Variants in CDKL5 observed in about 807,000 individuals in gnomAD.
CDKL5 encodes the protein cyclin-dependent kinase-like 5.
CDKL5 carries 8 observed loss-of-function variants against 61.7 expected under a neutral mutation model. The ratio of observed to expected loss-of-function variants is 0.13; its 90% CI spans 0.08 to 0.23. The LOEUF is 0.23. Among genes scored for constraint, CDKL5 ranks in the 10% least tolerant of loss-of-function variants. The pLI, the probability that CDKL5 is intolerant of heterozygous loss-of-function variation, is 1.00. For missense variants in CDKL5, 440 were observed against 734.5 expected (o/e 0.60, Z 4.63); for synonymous variants, 275 against 272.3 (o/e 1.01, Z -0.10).
At chrX:18,475,892 A>G (rs1386343921) in intron 1 of CDKL5, among the ~76,000 whole-genome samples, 1 of 112,119 alleles carries the variant, frequency 8.9e-6, no homozygotes, top group Non-Finnish European at 1.9e-5. Context: ...TCATATAACA[A>G]ATTTTAGATT....
intron 1 of CDKL5, among the ~76,000 whole-genome samples, chrX:18,437,079 G>A (rs1194218363): frequency 9.1e-6 from 1 of 110,266 alleles, no homozygotes; most frequent in Non-Finnish European, 1.9e-5. Context: ...AGATTTTAAG[G>A]AGGGGTGTGA....
At chrX:18,477,637 CT>C (rs1354213801) in intron 1 of CDKL5, among the ~76,000 whole-genome samples, 9 of 110,506 alleles carry the variant, frequency 8.1e-5, no homozygotes, top group Non-Finnish European at 1.3e-4. Flanking sequence ...TGCTCTAGGA[CT>C]TACCACATAC....
chrX:18,616,431 G>C (rs1393967919), intron 15 of CDKL5, among the ~76,000 whole-genome samples: 1 of 110,439 alleles, frequency 9.1e-6, no homozygotes, highest in Admixed American at 9.6e-5. Context: ...TTCGAGACCA[G>C]CTTGACCAAC....
At chrX:18,507,566 T>G (rs1022195634) in intron 2 of CDKL5, among the ~76,000 whole-genome samples, 27 of 108,480 alleles carry the variant, frequency 2.5e-4, no homozygotes, top group Non-Finnish European at 4.4e-4. Context: ...ATTCATTCAT[T>G]CATTCATTCA....
intron 1 of CDKL5, among the ~76,000 whole-genome samples, chrX:18,496,139 A>T (rs975734179): frequency 4.4e-5 from 5 of 112,429 alleles, no homozygotes; most frequent in Non-Finnish European, 9.4e-5. Flanking sequence ...AGCTAATGTG[A>T]GTGACCATGG....
intron 20 of CDKL5, among the ~76,000 whole-genome samples, chrX:18,648,345 G>A (rs776414340): frequency 2.7e-5 from 3 of 110,517 alleles, no homozygotes; most frequent in South Asian, 3.9e-4. Flanking sequence ...GGGCTCAAGC[G>A]ATCCTGCCAC....
chrX:18,653,372 T>C (rs1268209714), intron 21 of CDKL5: 1 of 1,190,507 alleles, frequency 8.4e-7, no homozygotes, highest in African/African-American at 1.8e-5. Flanking sequence ...TTAGCCAGAG[T>C]GCACCTGCTA....
intron 11 of CDKL5, among the ~76,000 whole-genome samples, chrX:18,601,340 C>T (rs928245269): frequency 5.3e-5 from 6 of 112,248 alleles, no homozygotes; most frequent in Non-Finnish European, 1.1e-4. Context: ...TTTGCACCTT[C>T]GACATTTGCT....
In CDKL5 at chrX:18,430,295, T is replaced by A. The variant is rs751602089; in HGVS notation, c.-163+4600T>A. ...TTACATTTGCTACACTAATAAAGGCTTCGAAGATACTCCTTGAATTCAATT... is the reference window on the plus strand; with the variant it reads ...TTACATTTGCTACACTAATAAAGGCATCGAAGATACTCCTTGAATTCAATT... On this transcript the variant is annotated intron_variant, in intron 1 of 17. Coordinates refer to ENST00000623535, the MANE Select transcript of CDKL5 (RefSeq NM_001323289.2). Among the ~76,000 whole-genome samples, 61 of 112,552 alleles carry A rather than the reference T, an allele frequency of 5.4e-4. 1 individual carries two copies. Among genetic ancestry groups the A allele is most frequent in the Middle Eastern group, 4.6e-3 (1 of 218 alleles).
chrX:18,624,467 GGTCA>G (rs1412781917), intron 16 of CDKL5, among the ~76,000 whole-genome samples: 1 of 112,032 alleles, frequency 8.9e-6, no homozygotes, highest in Non-Finnish European at 1.9e-5. Context: ...AGCTTTTGCT[GGTCA>G]GTTTAAAACC....
intron 3 of CDKL5, among the ~76,000 whole-genome samples, chrX:18,522,426 C>A (rs1321977764): frequency 4.1e-5 from 4 of 97,420 alleles, no homozygotes; most frequent in Non-Finnish European, 8.1e-5. Flanking sequence ...CTCACTGCAA[C>A]CTCTGCCTCC....
At chrX:18,451,740 T>G (rs762438723) in intron 1 of CDKL5, among the ~76,000 whole-genome samples, 3 of 111,079 alleles carry the variant, frequency 2.7e-5, no homozygotes, top group Non-Finnish European at 5.7e-5. Context: ...GGTTTTGCCA[T>G]GTTGCCCAGG....
At chrX:18,529,382 A>G (rs1452145669) in intron 3 of CDKL5, among the ~76,000 whole-genome samples, 1 of 110,907 alleles carries the variant, frequency 9.0e-6, no homozygotes, top group African/African-American at 3.3e-5. Flanking sequence ...TCAGTCAATA[A>G]TAGTTACTAT....
At position 18,573,816 on chromosome X, in the gene CDKL5, T is replaced by C. The variant is rs192845033; in HGVS notation, c.146-1538T>C. Among the ~76,000 whole-genome samples the C allele has an allele frequency of 4.3e-3, 478 of 112,189 alleles. 2 individuals carry two copies. In the Middle Eastern group the frequency reaches 0.046, roughly 11 times the overall value. On this transcript the variant is annotated intron_variant, in intron 4 of 17. Coordinates refer to ENST00000623535, the MANE Select transcript of CDKL5 (RefSeq NM_001323289.2). The stretch of plus-strand genomic sequence containing the variant: ...TTCACAAGGGAGTGTTGACTCCGTG[T>C]TCCCAGTTTGTTATGGATACTCGGG...
intron 1 of CDKL5, among the ~76,000 whole-genome samples, chrX:18,487,161 C>G (rs1192697708): frequency 1.8e-5 from 2 of 111,741 alleles, no homozygotes; most frequent in Admixed American, 9.5e-5. Flanking sequence ...ATCTTAGGCT[C>G]TCAGTGCTTT....
At chrX:18,601,729 G>C (rs1926184408) in intron 11 of CDKL5, among the ~76,000 whole-genome samples, 1 of 111,982 alleles carries the variant, frequency 8.9e-6, no homozygotes, top group Non-Finnish European at 1.9e-5. Flanking sequence ...TGTTAGAATT[G>C]TCTCTTACGT....
At chrX:18,586,090 A>T (rs1602275223) in intron 8 of CDKL5, among the ~76,000 whole-genome samples, 1 of 111,037 alleles carries the variant, frequency 9.0e-6, no homozygotes, top group South Asian at 3.8e-4. Flanking sequence ...AAGCTTTACT[A>T]TTTTTTTTAA....
rs1403393739 is a variant in CDKL5, at chrX:18,475,650, T to C, written c.-162-31285T>C. Among the ~76,000 whole-genome samples the C allele has an allele frequency of 3.6e-5, 4 of 112,373 alleles. No homozygotes were observed. In the Admixed American group the frequency reaches 3.8e-4, roughly 11 times the overall value. The stretch of plus-strand genomic sequence containing the variant: ...TAAGAAAATGCTAATTGGAAAATTA[T>C]CATCTCTACTCTTTTTCCTGTCAAA... On this transcript the variant is annotated intron_variant, in intron 1 of 17. Coordinates refer to ENST00000623535, the MANE Select transcript of CDKL5 (RefSeq NM_001323289.2).
chrX:18,451,800 A>G (rs1055604788), intron 1 of CDKL5, among the ~76,000 whole-genome samples: 3 of 111,810 alleles, frequency 2.7e-5, no homozygotes, highest in Non-Finnish European at 5.6e-5. Context: ...TCGGCCTCCC[A>G]CAGTGCTGGG....
Sources: gnomAD v4.1 joint callset for allele counts (sites outside exome capture counted in the v4.1 genomes callset) on GRCh38, gnomAD v4.1.1 for gene constraint, MANE v1.5 for transcripts, NCBI Gene and HGNC (gene_info 2026-07-23, HGNC 2026-07-21) for gene names.